Variants in PRKN observed in about 807,000 individuals in gnomAD.
PRKN encodes the protein parkin RBR E3 ubiquitin protein ligase, also known as E3 ubiquitin-protein ligase parkin.
In PRKN, 56 loss-of-function variants were observed where a neutral mutation model predicts 59.5. The ratio of observed to expected loss-of-function variants is 0.94; its 90% CI spans 0.76 to 1.18. The LOEUF is 1.18. Ranked by LOEUF, PRKN falls within the 50% of genes most tolerant of loss-of-function variation. The probability of loss-of-function intolerance (pLI) is 0.00; values close to 1 mark genes in which losing one functional copy is unlikely to be tolerated. For missense variants in PRKN, 657 were observed against 596.4 expected (o/e 1.10, Z -1.06); for synonymous variants, 250 against 222.1 (o/e 1.13, Z -1.12).
chr6:161,928,749 T>C (rs1779060486), intron 6 of PRKN, among the ~76,000 whole-genome samples: 1 of 152,198 alleles, frequency 6.6e-6, no homozygotes, highest in Non-Finnish European at 1.5e-5. Flanking sequence ...GGTCAGAGTG[T>C]AGTTAAGAAA....
At chr6:161,387,626 T>C (rs188303064) in intron 9 of PRKN, among the ~76,000 whole-genome samples, 7 of 152,220 alleles carry the variant, frequency 4.6e-5, no homozygotes, top group Non-Finnish European at 1.0e-4. Context: ...TTTGTTTACA[T>C]TCAATATTTG....
At chr6:161,680,775 A>ATATATATATATTTT (rs1216235673) in intron 7 of PRKN, among the ~76,000 whole-genome samples, 2 of 30,622 alleles carry the variant, frequency 6.5e-5, no homozygotes, top group Non-Finnish European at 1.2e-4. Context: ...ATATATATAT[A>ATATATATATATTTT]TTTTTTTTTT....
chr6:162,315,833 A>T (rs1412086921), intron 2 of PRKN, among the ~76,000 whole-genome samples: 3 of 152,200 alleles, frequency 2.0e-5, no homozygotes, highest in African/African-American at 7.2e-5. Context: ...TTTAGTCCAA[A>T]TCTATTTACT....
chr6:162,590,918 C>A (rs1313637499), intron 1 of PRKN, among the ~76,000 whole-genome samples: 2 of 152,128 alleles, frequency 1.3e-5, no homozygotes, highest in Non-Finnish European at 2.9e-5. Flanking sequence ...CCTCTCCAGG[C>A]CTCGTATCAA....
At chr6:162,323,888 T>C (rs1460704725) in intron 2 of PRKN, among the ~76,000 whole-genome samples, 1 of 152,154 alleles carries the variant, frequency 6.6e-6, no homozygotes, top group East Asian at 1.9e-4. Context: ...TAAGCTATTC[T>C]ACTCCTAGAA....
chr6:161,680,771 A>T (rs1423187412), intron 7 of PRKN, among the ~76,000 whole-genome samples: 6,100 of 17,744 alleles, frequency 0.34, 811 homozygotes, highest in African/African-American at 0.48. Flanking sequence ...ATATATATAT[A>T]TATATTTTTT....
chr6:162,187,241 G>A (rs192833928), intron 4 of PRKN, among the ~76,000 whole-genome samples: 1 of 152,300 alleles, frequency 6.6e-6, no homozygotes, highest in East Asian at 1.9e-4. Context: ...ATCACCGGAG[G>A]AGGAACATCA....
At position 161,503,602 on chromosome 6, in the gene PRKN, T is replaced by C. The variant is rs1202867459; in HGVS notation, c.1083+45252A>G. On this transcript the variant is annotated intron_variant, in intron 9 of 11. Coordinates refer to ENST00000366898, the MANE Select transcript of PRKN (RefSeq NM_004562.3). This position sits in a 1 kb window ranked among gnomAD's most constrained non-coding sequence, Gnocchi z 5.1. ...GTGAGGGACTGGACTGAGGGGGCTA[T>C]GGGGGCGACCTAGTCTAGCTGGGTT... Among the ~76,000 whole-genome samples the C allele has an allele frequency of 3.3e-5, 5 of 152,134 alleles. No homozygotes were observed. The highest frequency in any genetic ancestry group is 1.2e-4 in the African/African-American group (5 of 41,432).
At chr6:162,387,553 CACAGAGAGAGAGAGAGAGAGAGAGAGAG>C in intron 2 of PRKN, among the ~76,000 whole-genome samples, 1 of 80,270 alleles carries the variant, frequency 1.2e-5, no homozygotes, top group Non-Finnish European at 2.2e-5. Flanking sequence ...CACACACACA[CACAGAGAGAGAGAGAGAGAGAGAGAGAG>C]AGAGAGAGAG....
At chr6:161,978,113 G>A (rs911561278) in intron 5 of PRKN, among the ~76,000 whole-genome samples, 5 of 151,598 alleles carry the variant, frequency 3.3e-5, no homozygotes, top group African/African-American at 1.2e-4. Flanking sequence ...GCAATGGTGC[G>A]ATCTTGGCTC....
intron 2 of PRKN, among the ~76,000 whole-genome samples, chr6:162,430,597 A>G (rs1290219326): frequency 6.6e-6 from 1 of 152,042 alleles, no homozygotes; most frequent in Non-Finnish European, 1.5e-5. Context: ...ATATATATAT[A>G]TATCTTGTAA....
intron 6 of PRKN, among the ~76,000 whole-genome samples, chr6:161,913,652 C>T (rs1470003506): frequency 6.6e-6 from 1 of 152,166 alleles, no homozygotes; most frequent in Non-Finnish European, 1.5e-5. Flanking sequence ...ATTGACCCAG[C>T]AATATAATTT....
chr6:161,954,580 C>T (rs1780103286), intron 6 of PRKN, among the ~76,000 whole-genome samples: 1 of 152,138 alleles, frequency 6.6e-6, no homozygotes, highest in Non-Finnish European at 1.5e-5. Context: ...TTAGATGACT[C>T]TTGTAATTGT....
At chr6:162,188,006 T>C (rs1784102909) in intron 4 of PRKN, among the ~76,000 whole-genome samples, 1 of 152,146 alleles carries the variant, frequency 6.6e-6, no homozygotes. Flanking sequence ...GGGTTTTTCC[T>C]GCACTGTTCT....
chr6:161,988,722 T>C (rs946523316), intron 5 of PRKN, among the ~76,000 whole-genome samples: 38 of 152,070 alleles, frequency 2.5e-4, no homozygotes, highest in African/African-American at 9.2e-4. Context: ...GACATCAATA[T>C]ATAAATCATA....
At chr6:162,443,211 T>C in intron 2 of PRKN, 99 bp downstream of exon 2, 1 of 1,234,646 alleles carries the variant, frequency 8.1e-7, no homozygotes, top group Non-Finnish European at 1.2e-6. Flanking sequence ...GCACTATTTA[T>C]TCTATTAGAT....
intron 6 of PRKN, among the ~76,000 whole-genome samples, chr6:161,809,810 A>C (rs1008447982): frequency 3.3e-5 from 5 of 152,180 alleles, no homozygotes; most frequent in African/African-American, 1.2e-4. Context: ...GATGAAGGAT[A>C]CCACCTGAGA....
At chr6:162,052,661 C>T (rs184531949) in intron 5 of PRKN, among the ~76,000 whole-genome samples, 5 of 152,166 alleles carry the variant, frequency 3.3e-5, no homozygotes, top group Admixed American at 2.6e-4. Flanking sequence ...TTCTGTGCCG[C>T]ACAGGAAGAG....
At chr6:161,885,500 TA>T (rs1795107006) in intron 6 of PRKN, among the ~76,000 whole-genome samples, 2 of 151,894 alleles carry the variant, frequency 1.3e-5, no homozygotes, top group Admixed American at 1.3e-4. Context: ...CCGTCTCTAC[TA>T]AAAATACAAA....
Sources: allele counts gnomAD v4.1 joint callset (sites outside exome capture counted in the v4.1 genomes callset), GRCh38; gene constraint gnomAD v4.1.1; non-coding constraint Gnocchi (gnomAD v3.1); transcripts MANE v1.5; gene names NCBI Gene and HGNC (gene_info 2026-07-23, HGNC 2026-07-21).